Variants in GALNT11 observed in about 807,000 individuals in gnomAD.
The protein encoded by GALNT11 is polypeptide N-acetylgalactosaminyltransferase 11, also known as UDP-GalNAc:polypeptide N-acetylgalactosaminyltransferase 11.
In GALNT11, 47 loss-of-function variants were observed where a neutral mutation model predicts 72.7. The observed-to-expected ratio is 0.65, with a 90% CI of 0.51 to 0.82. GALNT11 has a LOEUF of 0.82. Among genes scored for constraint, GALNT11 ranks in the 40% least tolerant of loss-of-function variants. The pLI, the probability that GALNT11 is intolerant of heterozygous loss-of-function variation, is 0.00. For missense variants in GALNT11, 677 were observed against 778.4 expected (o/e 0.87, Z 1.55); for synonymous variants, 270 against 286.6 (o/e 0.94, Z 0.58).
rs751579428 is a variant in GALNT11, at chr7:152,121,553, A to G, written c.1703A>G (p.Asn568Ser). Reference sequence around the variant, plus strand: ...TTGCTACCTTTTTTTCAGAAAAACAATCGGCTATACCAGGTGTCGGTTGGA... The same window carrying G: ...TTGCTACCTTTTTTTCAGAAAAACAGTCGGCTATACCAGGTGTCGGTTGGA... Reference protein sequence around the residue: ...GSQQWTFGKNNRLYQVSVGQC... With the variant: ...GSQQWTFGKNSRLYQVSVGQC... The change falls in exon 12 of 12, where the codon AAT becomes AGT. Residue 568 changes from asparagine (N) to serine (S), a missense_variant. Asn to Ser is a conservative substitution (Grantham distance 46). Coordinates refer to ENST00000430044, the MANE Select transcript of GALNT11 (RefSeq NM_022087.4). 5.0e-6 allele frequency: 8 copies of G among 1,602,086 alleles called. No homozygotes were observed. Among genetic ancestry groups the G allele is most frequent in the African/African-American group, 1.3e-5 (1 of 74,228 alleles).
rs1351997575 is a variant in GALNT11 at position 152,116,132 on chromosome 7, T to C, written c.1234-1025T>C. Among the ~76,000 whole-genome samples, 7 of 152,258 alleles carry C rather than the reference T, an allele frequency of 4.6e-5. No individual in the cohort carries two copies. In the East Asian group the frequency reaches 1.2e-3, roughly 25 times the overall value. Reference sequence around the variant, plus strand: ...TTGTATAGTGAAATTTTTCAATATTTGGTAGAACAGTACAATCCAGTGGAG... The same window carrying C: ...TTGTATAGTGAAATTTTTCAATATTCGGTAGAACAGTACAATCCAGTGGAG... On this transcript the variant is annotated intron_variant, in intron 8 of 11. Transcript: ENST00000430044.
At chr7:152,084,142 A>AT (rs1183710174) in intron 1 of GALNT11, among the ~76,000 whole-genome samples, 2 of 151,064 alleles carry the variant, frequency 1.3e-5, no homozygotes, top group Non-Finnish European at 3.0e-5. Flanking sequence ...GTTGTTTTTT[A>AT]TTTTTTTCTT....
Position 152,113,347 on chromosome 7 carries a change from C to A in GALNT11, c.1182C>A (p.Thr394=), listed in dbSNP as rs779129310. 2 of 1,613,952 alleles carry A rather than the reference C, an allele frequency of 1.2e-6. No homozygotes were observed. The highest frequency in any genetic ancestry group is 2.2e-5 in the South Asian group (2 of 91,038). Residue 394 remains threonine, a synonymous_variant, in exon 8 of 12, where the codon ACC becomes ACA. Transcript: ENST00000430044. ...ATGGATCTCCCGAAGGCCAGGACAC[C>A]ATGACACACAACTCTTTGCGGCTGG... ...RPYGSPEGQD[T]MTHNSLRLAH... is the part of the protein sequence containing the mutation.
At chr7:152,074,044 C>T (rs2084815197) in intron 1 of GALNT11, among the ~76,000 whole-genome samples, 1 of 151,930 alleles carries the variant, frequency 6.6e-6, no homozygotes, top group Non-Finnish European at 1.5e-5. Context: ...GGGTATTAAT[C>T]CCCTTTTGGA....
At chr7:152,092,550 T>C (rs1220504634) in intron 1 of GALNT11, among the ~76,000 whole-genome samples, 1 of 151,952 alleles carries the variant, frequency 6.6e-6, no homozygotes, top group Non-Finnish European at 1.5e-5. Flanking sequence ...TGTTGTTTTG[T>C]TTTTTTACTT....
intron 8 of GALNT11, chr7:152,116,891 T>C: frequency 1.7e-6 from 1 of 605,226 alleles, no homozygotes; most frequent in Admixed American, 2.1e-5. Flanking sequence ...TTCTGTGTGA[T>C]AAATATGAAC....
In GALNT11 at chr7:152,103,238, G is replaced by A; in HGVS notation, c.546G>A (p.Leu182=). The change falls in exon 4 of 12, where the codon CTG becomes CTA. Residue 182 remains leucine (L), a synonymous_variant. Transcript: ENST00000430044. ...HSVIDRTPAH[L]LHEIILVDDD... Reference sequence around the variant, plus strand: ...TCATAGACCGCACGCCAGCACACCTGCTTCATGAGATCATCCTTGTGGATG... The same window carrying A: ...TCATAGACCGCACGCCAGCACACCTACTTCATGAGATCATCCTTGTGGATG... 1 of 1,613,722 alleles carries A rather than the reference G, an allele frequency of 6.2e-7. No homozygotes were observed. The highest frequency in any genetic ancestry group is 1.1e-5 in the South Asian group (1 of 91,068).
At chr7:152,047,687 C>CGT (rs141152865) in intron 1 of GALNT11, among the ~76,000 whole-genome samples, 2,234 of 147,078 alleles carry the variant, frequency 0.015, 21 homozygotes, top group African/African-American at 0.034. Context: ...ACAGTGACAC[C>CGT]GTGTGTGTGT....
intron 1 of GALNT11, among the ~76,000 whole-genome samples, chr7:152,085,727 T>TA (rs756359734): frequency 5.9e-5 from 9 of 152,186 alleles, no homozygotes; most frequent in Non-Finnish European, 1.2e-4. Flanking sequence ...TTCTTTTTTT[T>TA]ATTTTTGGAG....
Position 152,117,350 on chromosome 7 carries a change from G to A in GALNT11, c.1427G>A (p.Arg476Gln), listed in dbSNP as rs184692872. The stretch of plus-strand genomic sequence containing the variant: ...ATTTTTGTCAATAGAGGGCCAAAAC[G>A]ACCCAAAGTCCTTCAACGTGGAAGG... ...QPIFVNRGPKRPKVLQRGRLY... is the reference protein window; with the variant it reads ...QPIFVNRGPKQPKVLQRGRLY... The change falls in exon 9 of 12, where the codon CGA becomes CAA. Residue 476 changes from arginine to glutamine, a missense_variant. Transcript: ENST00000430044. 17 of 1,614,130 alleles carry A rather than the reference G, an allele frequency of 1.1e-5. No homozygotes were observed. The highest frequency in any genetic ancestry group is 2.2e-5 in the East Asian group (1 of 44,884).
At chr7:152,118,392 T>C (rs2089090443) in intron 9 of GALNT11, 3 of 322,218 alleles carry the variant, frequency 9.3e-6, no homozygotes, top group Non-Finnish European at 1.7e-5. Flanking sequence ...TTTTAATTTC[T>C]TTCATCTGCT....
chr7:152,032,642 G>A (rs2082359808), intron 1 of GALNT11, among the ~76,000 whole-genome samples: 2 of 152,160 alleles, frequency 1.3e-5, no homozygotes, highest in Admixed American at 1.3e-4. Flanking sequence ...CCTTTGATAA[G>A]GAAATGTGGT....
At chr7:152,103,000 A>G (rs6950830) in intron 3 of GALNT11, 112 bp from the exon 4 acceptor site, 48,792 of 900,408 alleles carry the variant, frequency 0.054, 4,352 homozygotes, top group African/African-American at 0.31. Flanking sequence ...AAAAAAAGGC[A>G]GGGGGTGGGG....
Position 152,108,240 on chromosome 7 carries a change from C to A in GALNT11, c.915C>A (p.Val305=). ...NWGLHFKWDL[V]PLSELGRAEG... Reference sequence around the variant, plus strand: ...GACTGCACTTCAAATGGGATCTTGTCCCCCTTTCTGAGCTAGGACGAGCGG... The same window carrying A: ...GACTGCACTTCAAATGGGATCTTGTACCCCTTTCTGAGCTAGGACGAGCGG... Residue 305 remains valine (V), a synonymous_variant, in exon 6 of 12, where the codon GTC becomes GTA. Transcript: ENST00000430044. 1 of 1,613,996 alleles carries A rather than the reference C, an allele frequency of 6.2e-7. No homozygotes were observed. The highest frequency in any genetic ancestry group is 8.5e-7 in the Non-Finnish European group (1 of 1,179,878).
chr7:152,055,075 G>A (rs1190152353), intron 1 of GALNT11, among the ~76,000 whole-genome samples: 2 of 152,144 alleles, frequency 1.3e-5, no homozygotes, highest in Non-Finnish European at 2.9e-5. Context: ...GCAGCGCGGG[G>A]GCAGAATTCC....
intron 1 of GALNT11, among the ~76,000 whole-genome samples, chr7:152,086,684 G>C (rs1317627590): frequency 6.6e-6 from 1 of 152,142 alleles, no homozygotes; most frequent in Admixed American, 6.5e-5. Flanking sequence ...TTTTCATTTT[G>C]CCCTTAGGTG....
intron 1 of GALNT11, among the ~76,000 whole-genome samples, chr7:152,060,780 A>G (rs1483488550): frequency 3.9e-5 from 6 of 152,126 alleles, no homozygotes; most frequent in African/African-American, 1.2e-4. Context: ...AGCTTCATCC[A>G]TGTCCCTACA....
chr7:152,052,946 A>G (rs536378767), intron 1 of GALNT11, among the ~76,000 whole-genome samples: 8 of 152,142 alleles, frequency 5.3e-5, no homozygotes, highest in East Asian at 3.9e-4. Flanking sequence ...TGAAAGCTGT[A>G]TATTGATTTT....
intron 1 of GALNT11, among the ~76,000 whole-genome samples, chr7:152,085,418 A>G (rs1047464960): frequency 2.6e-5 from 4 of 152,208 alleles, no homozygotes; most frequent in African/African-American, 9.6e-5. Context: ...GATTGAAAGA[A>G]TTTGTCACTA....
Sources: gnomAD v4.1 joint callset for allele counts (sites outside exome capture counted in the v4.1 genomes callset) on GRCh38, gnomAD v4.1.1 for gene constraint, MANE v1.5 for transcripts, NCBI Gene and HGNC (gene_info 2026-07-23, HGNC 2026-07-21) for gene names.